The following PCDH9 variants were observed in gnomAD, a reference collection of about 807,000 sequenced individuals.
PCDH9 encodes protocadherin-9.
PCDH9 carries 24 observed loss-of-function variants against 70.6 expected under a neutral mutation model. The observed-to-expected ratio is 0.34, with a 90% confidence interval of 0.25 to 0.48. PCDH9 has a LOEUF of 0.48. Ranked by LOEUF, PCDH9 falls within the 20% of genes least tolerant of loss-of-function variation. PCDH9 has a pLI of 0.99. For synonymous variants in PCDH9, 562 were observed against 558.5 expected, an observed-to-expected ratio of 1.01 and a Z score of -0.09; for missense variants, 1,281 against 1,503.6, an observed-to-expected ratio of 0.85 and a Z score of 2.45.
At chr13:67,135,883 C>G (rs1371953567) in intron 2 of PCDH9, among the ~76,000 whole-genome samples, 1 of 151,964 alleles carries the variant, frequency 6.6e-6, no homozygotes, top group Admixed American at 6.6e-5. Flanking sequence ...TGGGGGGATT[C>G]TTTGCTACCT....
At chr13:67,210,256 T>C (rs2089441284) in intron 2 of PCDH9, 2 of 152,046 alleles carry the variant, frequency 1.3e-5, no homozygotes, top group Non-Finnish European at 2.9e-5. Context: ...TGTTTTTTGA[T>C]TTCTAATTCA....
intron 4 of PCDH9, among the ~76,000 whole-genome samples, chr13:66,555,269 A>G (rs1348217119): frequency 1.3e-5 from 2 of 152,126 alleles, no homozygotes; most frequent in African/African-American, 2.4e-5. Context: ...ACAGAAACCA[A>G]TAGTACTTTC....
intron 3 of PCDH9, among the ~76,000 whole-genome samples, chr13:66,793,329 A>G (rs1271841937): frequency 6.6e-6 from 1 of 152,150 alleles, no homozygotes; most frequent in Non-Finnish European, 1.5e-5. Context: ...CTATGCATAG[A>G]TAGAAAGACA....
At chr13:66,362,667 C>T (rs1956490789) in intron 4 of PCDH9, among the ~76,000 whole-genome samples, 1 of 151,434 alleles carries the variant, frequency 6.6e-6, no homozygotes, top group Non-Finnish European at 1.5e-5. Context: ...TCTCTCTGTT[C>T]CTCTCTCTCT....
chr13:66,769,616 C>CA (rs1313620103), intron 3 of PCDH9, among the ~76,000 whole-genome samples: 4 of 151,884 alleles, frequency 2.6e-5, no homozygotes, highest in Non-Finnish European at 5.9e-5. Flanking sequence ...AGCTGCTTTG[C>CA]AATTAGAAAT....
chr13:66,779,841 CTCTCTCTCTA>C (rs2079962302), intron 3 of PCDH9, among the ~76,000 whole-genome samples: 1 of 26,242 alleles, frequency 3.8e-5, no homozygotes, highest in East Asian at 1.2e-3. Context: ...CTCTCTCTCT[CTCTCTCTCTA>C]TATATATATA....
intron 2 of PCDH9, among the ~76,000 whole-genome samples, chr13:67,159,144 A>G (rs1427197918): frequency 1.3e-5 from 2 of 152,146 alleles, no homozygotes; most frequent in Non-Finnish European, 2.9e-5. Context: ...GCAACTGGAT[A>G]TTGTTGGCAA....
At chr13:66,384,889 G>C (rs1956904308) in intron 4 of PCDH9, among the ~76,000 whole-genome samples, 1 of 151,958 alleles carries the variant, frequency 6.6e-6, no homozygotes, top group Admixed American at 6.6e-5. Flanking sequence ...GGCTGGTCTT[G>C]AACTCCTGAC....
chr13:66,885,305 G>T (rs2081988404), intron 3 of PCDH9, among the ~76,000 whole-genome samples: 1 of 152,078 alleles, frequency 6.6e-6, no homozygotes, highest in African/African-American at 2.4e-5. Context: ...GTATGTGTAG[G>T]ATCTGTCTCA....
intron 4 of PCDH9, among the ~76,000 whole-genome samples, chr13:66,501,553 C>A (rs1959177168): frequency 1.3e-5 from 2 of 152,050 alleles, no homozygotes; most frequent in African/African-American, 2.4e-5. Flanking sequence ...TCTTCCTCAT[C>A]CAAATGGTTC....
chr13:66,327,521 A>G (rs1437142128), intron 4 of PCDH9, among the ~76,000 whole-genome samples: 2 of 152,190 alleles, frequency 1.3e-5, no homozygotes, highest in African/African-American at 4.8e-5. Context: ...CGCTCTTTAA[A>G]AAATATTAAC....
intron 3 of PCDH9, among the ~76,000 whole-genome samples, chr13:66,659,373 A>T (rs2077974866): frequency 6.6e-6 from 1 of 152,208 alleles, no homozygotes; most frequent in African/African-American, 2.4e-5. Context: ...AAACACCATT[A>T]GGTTTCATCA....
intron 3 of PCDH9, among the ~76,000 whole-genome samples, chr13:66,777,301 G>A (rs984804550): frequency 6.6e-6 from 1 of 151,254 alleles, no homozygotes; most frequent in African/African-American, 2.4e-5. Flanking sequence ...AAACTAAAGA[G>A]CTTCTGCACA....
At chr13:66,382,424 G>T (rs1344134215) in intron 4 of PCDH9, among the ~76,000 whole-genome samples, 1 of 142,548 alleles carries the variant, frequency 7.0e-6, no homozygotes. Context: ...TAAGTTGAGT[G>T]AAAAAAAAAA....
intron 3 of PCDH9, among the ~76,000 whole-genome samples, chr13:66,877,116 T>A (rs1029282079): frequency 1.3e-5 from 2 of 151,874 alleles, no homozygotes; most frequent in African/African-American, 4.8e-5. Flanking sequence ...TATTTATATT[T>A]AAAATAATAA....
chr13:66,869,356 T>C (rs994066373), intron 3 of PCDH9, among the ~76,000 whole-genome samples: 2 of 152,130 alleles, frequency 1.3e-5, no homozygotes, highest in African/African-American at 4.8e-5. Flanking sequence ...TAAATACTAC[T>C]TGTATTTATT....
In PCDH9 at chr13:67,036,135, A is replaced by C. The variant is rs182876101; in HGVS notation, c.3037-132530T>G. On this transcript the variant is annotated intron_variant, in intron 2 of 4. Transcript: ENST00000377865. ...TCTAAATCTTAAAAGACAAACAAAC[A>C]AAAAACATAAAGTGCCACATCTCAC... is the stretch of plus-strand genomic sequence containing the variant. 1.6e-4 allele frequency among the ~76,000 whole-genome samples: 24 copies of C among 152,330 alleles called. No homozygotes were observed. The East Asian group carries it at 4.6e-3, about 29-fold the overall frequency.
At chr13:66,734,541 T>C (rs192441151) in intron 3 of PCDH9, among the ~76,000 whole-genome samples, 91 of 152,320 alleles carry the variant, frequency 6.0e-4, no homozygotes, top group African/African-American at 2.1e-3. Flanking sequence ...GACTGTGTCC[T>C]CAGATTTTGC....
intron 2 of PCDH9, chr13:67,215,857 G>A (rs895931207): frequency 3.9e-5 from 6 of 152,234 alleles, no homozygotes; most frequent in African/African-American, 1.4e-4. Flanking sequence ...TGTGGGTTCA[G>A]TGTTAGAAAT....
Sources: allele counts gnomAD v4.1 joint callset (sites outside exome capture counted in the v4.1 genomes callset), GRCh38; gene constraint gnomAD v4.1.1; transcripts MANE v1.5; gene names NCBI Gene and HGNC (gene_info 2026-07-23, HGNC 2026-07-21).